Variants in TMPRSS6 observed in about 807,000 individuals in gnomAD.
TMPRSS6 encodes the protein transmembrane serine protease 6, also known as transmembrane protease serine 6.
In TMPRSS6, 67 loss-of-function variants were observed where a neutral mutation model predicts 101.5. That is an observed-to-expected ratio of 0.66 (90% CI 0.54 to 0.81). The LOEUF is 0.81. TMPRSS6 is among the 30% of genes least tolerant of loss of function. The pLI is 0.00. For synonymous variants in TMPRSS6, 453 were observed against 464.9 expected, an observed-to-expected ratio of 0.97 and a Z score of 0.33; for missense variants, 1,034 against 1,088.7, an observed-to-expected ratio of 0.95 and a Z score of 0.71.
intron 10 of TMPRSS6, among the ~76,000 whole-genome samples, chr22:37,080,913 C>T (rs1198003683): frequency 6.6e-6 from 1 of 152,266 alleles, no homozygotes. Context: ...ACACGTGGAC[C>T]ACACACACAT....
intron 14 of TMPRSS6, 44 bp downstream of exon 14, chr22:37,070,872 C>A: frequency 6.3e-7 from 1 of 1,581,414 alleles, no homozygotes; most frequent in South Asian, 1.1e-5. Flanking sequence ...TGGGCACCCC[C>A]TCCCTCCCAA....
rs1601553745 is a variant in TMPRSS6, at chr22:37,089,647, A to G, written c.767T>C (p.Leu256Pro). ...GGCCAGTCGGTCCCGGCACTCTGCC[A>G]GCGTCCACTCCAGCCGGAGTTTGAG... ...LMLKLRLEWTLAECRDRLAMY... is the reference protein window; with the variant it reads ...LMLKLRLEWTPAECRDRLAMY... The change falls in exon 7 of 18, where the codon CTG (leucine) becomes CCG (proline). Residue 256 changes from leucine to proline, a missense_variant. Physicochemically the swap from Leu to Pro is moderately conservative, Grantham distance 98. Transcript: ENST00000676104. 1 of 1,608,030 alleles carries G rather than the reference A, an allele frequency of 6.2e-7. No homozygotes were observed. Among genetic ancestry groups the G allele is most frequent in the South Asian group, 1.1e-5 (1 of 90,646 alleles).
At chr22:37,097,906 A>G in intron 3 of TMPRSS6, among the ~76,000 whole-genome samples, 1 of 56,750 alleles carries the variant, frequency 1.8e-5, no homozygotes, top group African/African-American at 7.0e-5. Context: ...ACGGAGGGGG[A>G]GGAGAGGGCC....
At chr22:37,071,111 G>T in intron 13 of TMPRSS6, 79 bp from the exon 14 acceptor site, 2 of 1,288,564 alleles carry the variant, frequency 1.6e-6, no homozygotes, top group Non-Finnish European at 2.2e-6. Flanking sequence ...TGGGGTGCAG[G>T]AACGATGGAG....
intron 7 of TMPRSS6, 27 bp downstream of exon 7, chr22:37,089,551 C>T (rs777188226): frequency 1.4e-6 from 2 of 1,415,240 alleles, no homozygotes; most frequent in African/African-American, 1.5e-5. Context: ...CCAGCCCTCC[C>T]TCCTGCCCTC....
At chr22:37,078,771 A>AG (rs780379823) in intron 10 of TMPRSS6, among the ~76,000 whole-genome samples, 467 of 23,432 alleles carry the variant, frequency 0.02, no homozygotes, top group African/African-American at 0.051. Flanking sequence ...GAGAATGAGG[A>AG]GAAGGAGGAG....
chr22:37,074,766 C>G, intron 11 of TMPRSS6, 58 bp from the exon 12 acceptor site: 1 of 1,564,064 alleles, frequency 6.4e-7, no homozygotes, highest in Non-Finnish European at 8.8e-7. Context: ...CATGCGTAGC[C>G]GCGAAGGCGC....
rs113895316 is a variant in TMPRSS6, at chr22:37,087,246, G to GT, written c.837-828dup. Among the ~76,000 whole-genome samples, 625 of 152,260 alleles carry GT rather than the reference G, an allele frequency of 4.1e-3. 3 individuals are homozygous for GT. The highest frequency in any genetic ancestry group is 0.014 in the African/African-American group (594 of 41,564). ...CTCTGGAGTCCAGCGCATCTGATGGGTCAATTTATAAGAAACTAACGGCCC... is the reference window on the plus strand; with the variant it reads ...CTCTGGAGTCCAGCGCATCTGATGGGTTCAATTTATAAGAAACTAACGGCCC... On this transcript the variant is annotated intron_variant, in intron 7 of 17. Transcript: ENST00000676104.
At chr22:37,081,974 G>A (rs189623779) in intron 10 of TMPRSS6, among the ~76,000 whole-genome samples, 5 of 152,320 alleles carry the variant, frequency 3.3e-5, no homozygotes, top group East Asian at 3.9e-4. Context: ...TCTCCCATCC[G>A]TGTTCCACAC....
chr22:37,081,374 G>A (rs1316117741), intron 10 of TMPRSS6, among the ~76,000 whole-genome samples: 8 of 152,236 alleles, frequency 5.3e-5, no homozygotes, highest in Non-Finnish European at 8.8e-5. Context: ...GGAGACAGGT[G>A]CTGAGCCCTG....
At chr22:37,086,510 G>A (rs1031856449) in intron 7 of TMPRSS6, 91 bp from the exon 8 acceptor site, 9 of 1,372,532 alleles carry the variant, frequency 6.6e-6, no homozygotes, top group South Asian at 1.3e-5. Context: ...GAGGGTGGAC[G>A]GGAGTCTGGA....
chr22:37,086,464 G>C (rs753114552), intron 7 of TMPRSS6, 45 bp from the exon 8 acceptor site: 1 of 1,551,688 alleles, frequency 6.4e-7, no homozygotes, highest in Non-Finnish European at 8.7e-7. Context: ...GGTCTGGGAG[G>C]GGAGTGGCAG....
chr22:37,094,543 T>TGATAGATAGATAGATAGATAGATA (rs6147615), intron 6 of TMPRSS6, among the ~76,000 whole-genome samples: 1,964 of 150,814 alleles, frequency 0.013, 17 homozygotes, highest in African/African-American at 0.019. Flanking sequence ...TCAACAGAGA[T>TGATAGATAGATAGATAGATAGATA]GATAGATAGA....
In TMPRSS6 at chr22:37,103,149, G is replaced by T; in HGVS notation, c.202+67C>A. On this transcript the variant is annotated intron_variant, in intron 2 of 17. Transcript: ENST00000676104. This position sits in a 1 kb window ranked among gnomAD's most constrained non-coding sequence, Gnocchi z 4.4. ...TGAGCCTGGAACCCAGTCCTGTCCT[G>T]CTGTGCCTGCTACAGTCACCCCAAG... 1 of 1,539,052 alleles carries T rather than the reference G, an allele frequency of 6.5e-7. No homozygotes were observed. Among genetic ancestry groups the T allele is most frequent in the Non-Finnish European group, 9.0e-7 (1 of 1,116,668 alleles).
rs781664810 is a variant in TMPRSS6, at chr22:37,066,920, A to G, written c.2156T>C (p.Ile719Thr). 1 of 1,614,118 alleles carries G rather than the reference A, an allele frequency of 6.2e-7. No individual in the cohort carries two copies. The highest frequency in any genetic ancestry group is 1.7e-5 in the Admixed American group (1 of 60,010). ...NALQKVDVQL[I>T]PQDLCSEVYR... Reference sequence around the variant, plus strand: ...GACCTCGCTGCACAGGTCCTGTGGGATCAACTGCACATCCACTTTCTGCAG... The same window carrying G: ...GACCTCGCTGCACAGGTCCTGTGGGGTCAACTGCACATCCACTTTCTGCAG... The change falls in exon 17 of 18, where the codon ATC becomes ACC. Residue 719 changes from isoleucine to threonine, a missense_variant. By Grantham distance (89) the Ile-to-Thr change is moderately conservative. Transcript: ENST00000676104.
At chr22:37,070,443 C>G (rs1353988264) in intron 15 of TMPRSS6, 41 bp downstream of exon 15, 4 of 1,612,490 alleles carry the variant, frequency 2.5e-6, no homozygotes, top group Non-Finnish European at 2.5e-6. Context: ...CTTCCCTGCC[C>G]TTGTCTCTTA....
intron 1 of TMPRSS6, among the ~76,000 whole-genome samples, chr22:37,104,580 T>C (rs1027420930): frequency 1.3e-5 from 2 of 152,236 alleles, no homozygotes; most frequent in Admixed American, 1.3e-4. Flanking sequence ...AGAAAGCCTT[T>C]GACCCACCCA....
chr22:37,072,158 GGAT>G (rs1927003104), intron 13 of TMPRSS6, among the ~76,000 whole-genome samples: 2 of 150,552 alleles, frequency 1.3e-5, no homozygotes, highest in African/African-American at 2.4e-5. Flanking sequence ...GTGAATGGAT[GGAT>G]GATGGATGAA....
At chr22:37,083,878 G>T in intron 10 of TMPRSS6, 1 of 434,480 alleles carries the variant, frequency 2.3e-6, no homozygotes, top group Non-Finnish European at 4.1e-6. Context: ...TTCGTGATAA[G>T]GGAGAGGCAC....
Sources: allele counts gnomAD v4.1 joint callset (sites outside exome capture counted in the v4.1 genomes callset), GRCh38; gene constraint gnomAD v4.1.1; non-coding constraint Gnocchi (gnomAD v3.1); transcripts MANE v1.5; gene names NCBI Gene and HGNC (gene_info 2026-07-23, HGNC 2026-07-21).